Variants in ARHGEF9 observed in about 807,000 individuals in gnomAD.
The protein encoded by ARHGEF9 is rho guanine nucleotide exchange factor 9.
In ARHGEF9, 2 loss-of-function variants were observed where a neutral mutation model predicts 41.3. The ratio of observed to expected loss-of-function variants is 0.05; its 90% confidence interval spans 0.02 to 0.15. The LOEUF is 0.15. ARHGEF9 is among the 10% of genes least tolerant of loss of function. ARHGEF9 has a pLI of 1.00. For missense variants in ARHGEF9, 225 were observed against 424.7 expected (o/e 0.53, Z 4.13); for synonymous variants, 160 against 154.4 (o/e 1.04, Z -0.27).
chrX:63,643,920 T>C (rs782378398), intron 9 of ARHGEF9, 60 bp downstream of exon 9: 3 of 1,124,133 alleles, frequency 2.7e-6, no homozygotes, highest in African/African-American at 1.8e-5. Context: ...CCTAAGAATA[T>C]GTAAGCATAT....
intron 1 of ARHGEF9, among the ~76,000 whole-genome samples, chrX:63,776,872 C>T (rs188179631): frequency 9.0e-6 from 1 of 111,433 alleles, no homozygotes; most frequent in Non-Finnish European, 1.9e-5. Context: ...GTCATCAATA[C>T]CTCCCAATCC....
rs187395059 is a variant in ARHGEF9 at position 63,638,625 on chromosome X, G to A, written c.1391-416C>T. 1.2e-3 allele frequency: 375 copies of A among 307,109 alleles called. 2 individuals carry two copies. Among genetic ancestry groups the A allele is most frequent in the African/African-American group, 8.5e-3 (313 of 36,873 alleles). 25.3% of individuals were successfully genotyped at this position (307,109 alleles called of 1,213,427 possible). On this transcript the variant is annotated intron_variant, in intron 9 of 9. Transcript: ENST00000671741. ...CTTATGCAGGGGTTGGTCCTGCAAA[G>A]AACCCAACAAACTCTATTTCGCCTT... is the stretch of plus-strand genomic sequence containing the variant.
intron 1 of ARHGEF9, among the ~76,000 whole-genome samples, chrX:63,773,231 C>T (rs1556455974): frequency 8.9e-6 from 1 of 112,099 alleles, no homozygotes; most frequent in East Asian, 2.8e-4. Flanking sequence ...GAAGAAGCTC[C>T]TCACATTATA....
At chrX:63,724,370 A>G (rs1364945236) in intron 2 of ARHGEF9, among the ~76,000 whole-genome samples, 162 bp downstream of exon 2, 1 of 110,885 alleles carries the variant, frequency 9.0e-6, no homozygotes, top group Admixed American at 9.6e-5. Flanking sequence ...GCACAGATTA[A>G]AGGAAGCCCA....
At chrX:63,654,270 T>C in intron 8 of ARHGEF9, among the ~76,000 whole-genome samples, 1 of 111,755 alleles carries the variant, frequency 8.9e-6, no homozygotes, top group African/African-American at 3.2e-5. Flanking sequence ...ATTAGGGCAT[T>C]GTGTGGGAGA....
At chrX:63,641,943 T>C (rs1202791299) in intron 9 of ARHGEF9, 3 of 111,822 alleles carry the variant, frequency 2.7e-5, no homozygotes, top group East Asian at 5.6e-4. Context: ...CTTTCTTCCA[T>C]GCTGGATGCT....
chrX:63,681,390 A>C (rs1202685799), intron 4 of ARHGEF9, among the ~76,000 whole-genome samples: 1 of 112,410 alleles, frequency 8.9e-6, no homozygotes, highest in Non-Finnish European at 1.9e-5. Context: ...GATCAACATC[A>C]TATCAAGTAT....
chrX:63,635,499 A>T lies in ARHGEF9; in HGVS notation c.*2529T>A. ...ACAGGTTAGGATACTGAACCCAGGTATTTAATTGGGCTCCCCTTGGGGCTG... is the reference window on the plus strand; with the variant it reads ...ACAGGTTAGGATACTGAACCCAGGTTTTTAATTGGGCTCCCCTTGGGGCTG... On this transcript the variant is annotated 3_prime_UTR_variant, in exon 10 of 10. Coordinates refer to ENST00000671741, the MANE Select transcript of ARHGEF9 (RefSeq NM_001353921.2). 1 of 496,942 alleles carries T rather than the reference A, an allele frequency of 2.0e-6. No individual in the cohort carries two copies. The highest frequency in any genetic ancestry group is 3.6e-6 in the Non-Finnish European group (1 of 276,732). The allele number at this position is 496,942 out of a possible 1,213,427, so 41.0% of individuals were successfully genotyped here.
chrX:63,766,721 C>T (rs1385850600), intron 1 of ARHGEF9, among the ~76,000 whole-genome samples: 1 of 111,605 alleles, frequency 9.0e-6, no homozygotes, highest in African/African-American at 3.3e-5. Flanking sequence ...CCCTCTCCTC[C>T]ATGCCCTACC....
chrX:63,730,237 G>A (rs1330324328), intron 1 of ARHGEF9, among the ~76,000 whole-genome samples: 1 of 112,364 alleles, frequency 8.9e-6, no homozygotes, highest in East Asian at 2.8e-4. Context: ...GAAAACATAT[G>A]CTGCAAACTG....
intron 1 of ARHGEF9, among the ~76,000 whole-genome samples, chrX:63,757,111 T>G (rs1305504252): frequency 8.9e-6 from 1 of 111,967 alleles, no homozygotes; most frequent in African/African-American, 3.3e-5. Context: ...TGGGTTCTTC[T>G]TCATCCAGTC....
At position 63,697,108 on chromosome X, in the gene ARHGEF9, A is replaced by G; in HGVS notation, c.582+17T>C. The G allele has an allele frequency of 8.3e-7, 1 of 1,204,936 alleles. No individual in the cohort carries two copies. The highest frequency in any genetic ancestry group is 1.1e-6 in the Non-Finnish European group (1 of 891,756). ...TAACACCTCTCAAAACCCTCCCCAA[A>G]TGGATAAGATACTTACGTGCTCTAG... is the stretch of plus-strand genomic sequence containing the variant. On this transcript the variant is annotated intron_variant, in intron 4 of 9. Coordinates refer to ENST00000671741, the MANE Select transcript of ARHGEF9 (RefSeq NM_001353921.2).
chrX:63,656,270 G>C (rs1407551979), intron 7 of ARHGEF9, among the ~76,000 whole-genome samples: 3 of 111,391 alleles, frequency 2.7e-5, no homozygotes, highest in South Asian at 3.8e-4. Flanking sequence ...GGCCCAGTCT[G>C]CCAAGAGAAA....
chrX:63,641,622 G>T (rs2047639643), intron 9 of ARHGEF9: 1 of 111,770 alleles, frequency 8.9e-6, no homozygotes, highest in Admixed American at 9.5e-5. Context: ...AGTGTTCTCA[G>T]TGAAAAGACA....
Position 63,674,185 on chromosome X carries a change from T to G in ARHGEF9, c.816-18A>C. 8.3e-7 allele frequency: 1 copy of G among 1,208,679 alleles called. No homozygotes were observed. The highest frequency in any genetic ancestry group is 1.7e-5 in the African/African-American group (1 of 57,521). On this transcript the variant is annotated intron_variant, in intron 5 of 9. Transcript: ENST00000671741. ...TGTAGTCACTGTGAAAACAAAAGAG[T>G]GCAAGTTGAACCAACCAATGTGCCA... is the stretch of plus-strand genomic sequence containing the variant.
intron 2 of ARHGEF9, among the ~76,000 whole-genome samples, chrX:63,721,714 G>C (rs1387335947): frequency 9.0e-6 from 1 of 110,778 alleles, no homozygotes; most frequent in Admixed American, 9.6e-5. Flanking sequence ...TCCTAGCAGG[G>C]AAACCAGCCC....
Position 63,635,191 on chromosome X carries a change from G to C in ARHGEF9, c.*2837C>G. 6 of 254,508 alleles carry C rather than the reference G, an allele frequency of 2.4e-5. No individual in the cohort carries two copies. The highest frequency in any genetic ancestry group is 3.1e-5 in the African/African-American group (1 of 32,624). 21.0% of individuals were successfully genotyped at this position (254,508 alleles called of 1,213,427 possible). A position where few individuals can be genotyped will look rare whatever the true frequency, so the allele number is the denominator to read the frequency against. ...CACCCCAGCCCACCCCATCCCCAAA[G>C]CACTAAAAGATCACTATTTGGCTTC... is the stretch of plus-strand genomic sequence containing the variant. On this transcript the variant is annotated 3_prime_UTR_variant, in exon 10 of 10. Transcript: ENST00000671741.
Position 63,637,260 on chromosome X carries a change from GTCTGATAC to G in ARHGEF9, c.*760_*767del. On this transcript the variant is annotated 3_prime_UTR_variant, in exon 10 of 10. Transcript: ENST00000671741. ...AGAAGTCCACTCCAGCATCATCATA[GTCTGATAC>G]TCCCTTGCTTCTGTTTGGTTTTTTG... The G allele has an allele frequency of 3.4e-6, 1 of 297,390 alleles. No homozygotes were observed. The highest frequency in any genetic ancestry group is 4.7e-5 in the East Asian group (1 of 21,057). The allele number at this position is 297,390 out of a possible 1,213,427, so 24.5% of individuals were successfully genotyped here.
chrX:63,771,589 C>T (rs2056205997), intron 1 of ARHGEF9, among the ~76,000 whole-genome samples: 1 of 109,873 alleles, frequency 9.1e-6, no homozygotes, highest in Non-Finnish European at 1.9e-5. Context: ...TTTTTTGAGA[C>T]AGAGTCTCAT....
Sources: gnomAD v4.1 joint callset for allele counts (sites outside exome capture counted in the v4.1 genomes callset) on GRCh38, gnomAD v4.1.1 for gene constraint, MANE v1.5 for transcripts, NCBI Gene and HGNC (gene_info 2026-07-23, HGNC 2026-07-21) for gene names.